Variants in MECOM observed in about 807,000 individuals in gnomAD.
MECOM encodes the protein histone-lysine N-methyltransferase MECOM.
A neutral mutation model predicts 116.3 loss-of-function variants in MECOM; 13 were observed. The observed-to-expected ratio is 0.11, with a 90% confidence interval of 0.07 to 0.18. The LOEUF (loss-of-function observed/expected upper bound fraction) is 0.18, where lower values mean the gene tolerates loss of function less well. Among genes scored for constraint, MECOM ranks in the 10% least tolerant of loss-of-function variants. The probability of loss-of-function intolerance (pLI) is 1.00; values close to 1 mark genes in which losing one functional copy is unlikely to be tolerated. For synonymous variants in MECOM, 528 were observed against 535.2 expected, an observed-to-expected ratio of 0.99 and a Z score of 0.19; for missense variants, 1,299 against 1,509.0, an observed-to-expected ratio of 0.86 and a Z score of 2.31.
intron 2 of MECOM, among the ~76,000 whole-genome samples, chr3:169,323,834 T>C (rs1265607689): frequency 6.6e-6 from 1 of 152,176 alleles, no homozygotes; most frequent in African/African-American, 2.4e-5. Flanking sequence ...TTTTTATAAA[T>C]AAAGTGCTTG....
intron 1 of MECOM, among the ~76,000 whole-genome samples, chr3:169,499,580 T>C (rs1754278896): frequency 6.6e-6 from 1 of 150,666 alleles, no homozygotes; most frequent in African/African-American, 2.5e-5. Flanking sequence ...AGGAGCTATC[T>C]TGGAAAGAAA....
intron 1 of MECOM, among the ~76,000 whole-genome samples, chr3:169,459,045 C>T (rs1329661092): frequency 1.3e-5 from 2 of 152,150 alleles, no homozygotes; most frequent in Non-Finnish European, 2.9e-5. Context: ...TCCAAAATGG[C>T]TATTTCTACC....
chr3:169,549,336 A>G (rs1253130336), intron 1 of MECOM, among the ~76,000 whole-genome samples: 1 of 151,900 alleles, frequency 6.6e-6, no homozygotes, highest in Non-Finnish European at 1.5e-5. Context: ...TGACCAAGAA[A>G]CTTGAACGTG....
intron 2 of MECOM, among the ~76,000 whole-genome samples, chr3:169,252,569 A>G (rs1236648346): frequency 6.6e-6 from 1 of 151,764 alleles, no homozygotes; most frequent in Non-Finnish European, 1.5e-5. Flanking sequence ...ATATATTTAA[A>G]TGTGACATCT....
intron 2 of MECOM, among the ~76,000 whole-genome samples, chr3:169,173,765 G>A (rs914367401): frequency 3.3e-5 from 5 of 152,084 alleles, no homozygotes; most frequent in African/African-American, 4.8e-5. Context: ...ATCAAATCAC[G>A]TTAATTCCCT....
At chr3:169,197,133 G>T (rs995897018) in intron 2 of MECOM, among the ~76,000 whole-genome samples, 1 of 151,842 alleles carries the variant, frequency 6.6e-6, no homozygotes, top group South Asian at 2.1e-4. Flanking sequence ...TTGACACAAA[G>T]AAGCGAACTA....
chr3:169,338,090 G>T (rs773392352), intron 2 of MECOM, among the ~76,000 whole-genome samples: 33 of 152,306 alleles, frequency 2.2e-4, no homozygotes, highest in Non-Finnish European at 4.1e-4. Context: ...ATCAGAGGGT[G>T]TTTGTGCTTA....
chr3:169,545,537 A>G (rs900470788), intron 1 of MECOM, among the ~76,000 whole-genome samples: 14 of 152,234 alleles, frequency 9.2e-5, no homozygotes, highest in Admixed American at 2.0e-4. Flanking sequence ...TTCTACCCTA[A>G]GTTTGTAATA....
At chr3:169,258,265 G>A (rs1757121231) in intron 2 of MECOM, among the ~76,000 whole-genome samples, 2 of 152,084 alleles carry the variant, frequency 1.3e-5, no homozygotes, top group African/African-American at 2.4e-5. Context: ...TCCAGAAAAT[G>A]TATGACAAAT....
At chr3:169,345,423 TA>T in intron 2 of MECOM, among the ~76,000 whole-genome samples, 1 of 152,272 alleles carries the variant, frequency 6.6e-6, no homozygotes, top group East Asian at 1.9e-4. Context: ...ACAATACAGT[TA>T]ACTCACTTTA....
In MECOM at chr3:169,611,677, A is replaced by T. The variant is rs1396598648; in HGVS notation, c.37+51659T>A. 6.6e-6 allele frequency among the ~76,000 whole-genome samples: 1 copy of T among 152,192 alleles called. No individual in the cohort carries two copies. The highest frequency in any genetic ancestry group is 6.5e-5 in the Admixed American group (1 of 15,276). ...TCAAAATCACTATATATCTTTTTTAAAATATTTTATTTTCCTTAGTTATAA... is the reference window on the plus strand; with the variant it reads ...TCAAAATCACTATATATCTTTTTTATAATATTTTATTTTCCTTAGTTATAA... On this transcript the variant is annotated intron_variant, in intron 1 of 16. Transcript: ENST00000651503. This position sits in a 1 kb window ranked among gnomAD's most constrained non-coding sequence, Gnocchi z 4.1.
At chr3:169,171,919 G>A (rs1207974928) in intron 2 of MECOM, among the ~76,000 whole-genome samples, 1 of 152,086 alleles carries the variant, frequency 6.6e-6, no homozygotes, top group Admixed American at 6.6e-5. Flanking sequence ...GATACTAAAG[G>A]AATGCCAGGT....
intron 1 of MECOM, among the ~76,000 whole-genome samples, chr3:169,509,412 C>T (rs1755688006): frequency 6.6e-6 from 1 of 152,218 alleles, no homozygotes; most frequent in Non-Finnish European, 1.5e-5. Context: ...TAAGTACCTT[C>T]ACACTGTTGT....
chr3:169,118,248 T>G (rs1203775876), intron 7 of MECOM, among the ~76,000 whole-genome samples: 3 of 152,206 alleles, frequency 2.0e-5, no homozygotes, highest in African/African-American at 7.2e-5. Flanking sequence ...TAAAGTGTAT[T>G]GTTGCATATA....
chr3:169,298,840 C>T (rs1338706503), intron 2 of MECOM, among the ~76,000 whole-genome samples: 1 of 152,104 alleles, frequency 6.6e-6, no homozygotes, highest in Non-Finnish European at 1.5e-5. Flanking sequence ...AGGAAGTGAA[C>T]TATAATGGGG....
intron 1 of MECOM, among the ~76,000 whole-genome samples, chr3:169,493,859 G>C (rs562104683): frequency 1.3e-5 from 2 of 152,256 alleles, no homozygotes; most frequent in African/African-American, 4.8e-5. Context: ...AATAAGGCCT[G>C]AAGGGAAGGA....
chr3:169,393,894 C>T (rs1234381547), intron 1 of MECOM, among the ~76,000 whole-genome samples: 1 of 152,106 alleles, frequency 6.6e-6, no homozygotes, highest in South Asian at 2.1e-4. Flanking sequence ...TTCATCTAAA[C>T]ACCTAAAATT....
chr3:169,527,674 T>A (rs2109123245), intron 1 of MECOM, among the ~76,000 whole-genome samples: 1 of 152,342 alleles, frequency 6.6e-6, no homozygotes, highest in Middle Eastern at 3.4e-3. Context: ...GAGGCTGCAT[T>A]GTGCCAGAGA....
At chr3:169,239,952 A>C (rs1754582768) in intron 2 of MECOM, among the ~76,000 whole-genome samples, 1 of 152,194 alleles carries the variant, frequency 6.6e-6, no homozygotes, top group Admixed American at 6.5e-5. Context: ...CAACTGCTGA[A>C]GTTCATTTCC....
Sources: gnomAD v4.1 joint callset for allele counts (sites outside exome capture counted in the v4.1 genomes callset) on GRCh38, gnomAD v4.1.1 for gene constraint, Gnocchi (gnomAD v3.1) non-coding constraint, MANE v1.5 for transcripts, NCBI Gene and HGNC (gene_info 2026-07-23, HGNC 2026-07-21) for gene names.